BBX: variants seen among roughly 807,000 people sequenced by gnomAD.
BBX encodes the protein HMG box transcription factor BBX.
BBX carries 30 observed loss-of-function variants against 100.2 expected under a neutral mutation model. The ratio of observed to expected loss-of-function variants is 0.30; its 90% CI spans 0.22 to 0.41. The LOEUF (loss-of-function observed/expected upper bound fraction) is 0.41. BBX is among the 10% of genes least tolerant of loss of function. The pLI is 1.00. For missense variants in BBX, 1,023 were observed against 1,129.8 expected, an observed-to-expected ratio of 0.91 and a Z score of 1.35; for synonymous variants, 376 against 388.1, an observed-to-expected ratio of 0.97 and a Z score of 0.37.
intron 13 of BBX, among the ~76,000 whole-genome samples, chr3:107,781,213 T>A (rs2067852975): frequency 6.6e-6 from 1 of 152,050 alleles, no homozygotes; most frequent in Non-Finnish European, 1.5e-5. Context: ...CATATTCGTA[T>A]CTGTATTTCT....
At chr3:107,655,329 CCTG>C (rs2058068079) in intron 3 of BBX, among the ~76,000 whole-genome samples, 1 of 151,950 alleles carries the variant, frequency 6.6e-6, no homozygotes, top group African/African-American at 2.4e-5. Context: ...ATTATTGCTA[CCTG>C]CTATTAGTAT....
intron 2 of BBX, among the ~76,000 whole-genome samples, chr3:107,587,882 T>C (rs77517516): frequency 0.013 from 2,033 of 152,312 alleles, 35 homozygotes; most frequent in East Asian, 0.077. Flanking sequence ...CATTTACTCA[T>C]CACTGAAGTA....
chr3:107,785,634 TA>T (rs35414236), intron 13 of BBX, among the ~76,000 whole-genome samples: 17,545 of 150,326 alleles, frequency 0.12, 1,325 homozygotes, highest in Middle Eastern at 0.18. Flanking sequence ...CAATGCCCTT[TA>T]AAAAAAAAAT....
At chr3:107,706,389 T>C (rs1182272457) in intron 3 of BBX, among the ~76,000 whole-genome samples, 1 of 152,126 alleles carries the variant, frequency 6.6e-6, no homozygotes, top group Non-Finnish European at 1.5e-5. Flanking sequence ...TACATTGAAT[T>C]CAGTACAATG....
intron 3 of BBX, among the ~76,000 whole-genome samples, chr3:107,675,537 T>G (rs1240196127): frequency 6.6e-6 from 1 of 152,160 alleles, no homozygotes; most frequent in African/African-American, 2.4e-5. Flanking sequence ...CCCTCTCTTC[T>G]CATGATCATG....
At chr3:107,778,992 AAC>A in intron 13 of BBX, among the ~76,000 whole-genome samples, 1 of 28,518 alleles carries the variant, frequency 3.5e-5, no homozygotes, top group South Asian at 2.0e-3. Context: ...ATCCTCCAGC[AAC>A]ATATATATAT....
intron 10 of BBX, among the ~76,000 whole-genome samples, chr3:107,769,158 A>G (rs2066647152): frequency 6.7e-6 from 1 of 150,054 alleles, no homozygotes; most frequent in African/African-American, 2.5e-5. Flanking sequence ...ATAGAGCACG[A>G]CTCTATCATT....
chr3:107,530,391 A>G (rs2048074924), intron 2 of BBX, among the ~76,000 whole-genome samples: 1 of 120,726 alleles, frequency 8.3e-6, no homozygotes, highest in East Asian at 2.0e-4. Context: ...TCTCCAAAAC[A>G]AAACAAAACA....
At chr3:107,785,185 A>C (rs2107883710) in intron 13 of BBX, among the ~76,000 whole-genome samples, 1 of 151,602 alleles carries the variant, frequency 6.6e-6, no homozygotes, top group South Asian at 2.1e-4. Flanking sequence ...GGGGGAAAAA[A>C]AAAAAAAAGC....
At chr3:107,777,304 T>C (rs2067402250) in intron 12 of BBX, among the ~76,000 whole-genome samples, 1 of 152,212 alleles carries the variant, frequency 6.6e-6, no homozygotes, top group South Asian at 2.1e-4. Flanking sequence ...TGCCATTTCC[T>C]GTTGACCATT....
chr3:107,625,906 A>G (rs1467830422), intron 2 of BBX, among the ~76,000 whole-genome samples: 1 of 152,140 alleles, frequency 6.6e-6, no homozygotes, highest in African/African-American at 2.4e-5. Flanking sequence ...GACAAATAAT[A>G]ATCGTATTTT....
At chr3:107,568,407 G>C (rs2051090367) in intron 2 of BBX, among the ~76,000 whole-genome samples, 1 of 151,954 alleles carries the variant, frequency 6.6e-6, no homozygotes, top group Admixed American at 6.6e-5. Context: ...TGGGACTACA[G>C]GTGCCCGCCA....
intron 5 of BBX, among the ~76,000 whole-genome samples, chr3:107,722,089 A>G (rs962552898): frequency 1.3e-5 from 2 of 152,056 alleles, no homozygotes; most frequent in African/African-American, 2.4e-5. Flanking sequence ...AATTTGGCCA[A>G]TACTGTCCAG....
chr3:107,714,852 C>G lies in BBX; in HGVS notation c.163-1755C>G, dbSNP rs563687826. Among the ~76,000 whole-genome samples, 318 of 151,964 alleles carry G rather than the reference C, an allele frequency of 2.1e-3. 2 individuals are homozygous for G. Among genetic ancestry groups the G allele is most frequent in the Middle Eastern group, 3.4e-3 (1 of 294 alleles). On this transcript the variant is annotated intron_variant, in intron 4 of 17. Transcript: ENST00000325805. ...CCAGGCTGGAGTGTAGTGGTGTGATCTTGGCTTACTGCAACCTCCGCCTCC... is the reference window on the plus strand; with the variant it reads ...CCAGGCTGGAGTGTAGTGGTGTGATGTTGGCTTACTGCAACCTCCGCCTCC...
rs746022455 is a variant in BBX at position 107,791,280 on chromosome 3, T to A, written c.2334T>A (p.Asp778Glu). The change falls in exon 15 of 18, where the codon GAT (aspartate) becomes GAA (glutamate). Residue 778 changes from aspartate (D) to glutamate (E), a missense_variant. Transcript: ENST00000325805. ...DKWSNKQLFLDAIHPTEAIFS... is the reference protein window; with the variant it reads ...DKWSNKQLFLEAIHPTEAIFS... ...GGTCAAACAAGCAACTCTTCTTGGA[T>A]GCCATTCACCCTACAGAAGGTAAGA... is the stretch of plus-strand genomic sequence containing the variant. The A allele has an allele frequency of 1.5e-5, 24 of 1,613,298 alleles. No homozygotes were observed. In the Admixed American group the frequency reaches 3.7e-4, roughly 25 times the overall value.
At chr3:107,573,335 G>C (rs1274750953) in intron 2 of BBX, among the ~76,000 whole-genome samples, 1 of 152,156 alleles carries the variant, frequency 6.6e-6, no homozygotes, top group Non-Finnish European at 1.5e-5. Context: ...CGATGCGGGT[G>C]GATCACAAGG....
intron 3 of BBX, among the ~76,000 whole-genome samples, chr3:107,699,681 T>C (rs564712030): frequency 6.6e-6 from 1 of 152,020 alleles, no homozygotes; most frequent in South Asian, 2.1e-4. Flanking sequence ...GATTTCAGTT[T>C]ATGAAGAGAA....
intron 2 of BBX, among the ~76,000 whole-genome samples, chr3:107,643,332 G>A (rs961022633): frequency 1.3e-5 from 2 of 152,130 alleles, no homozygotes; most frequent in Admixed American, 6.5e-5. Flanking sequence ...TTAATAGATG[G>A]CTGTCCCACC....
intron 2 of BBX, among the ~76,000 whole-genome samples, chr3:107,594,444 A>G (rs140227764): frequency 6.6e-6 from 1 of 152,276 alleles, no homozygotes; most frequent in African/African-American, 2.4e-5. Context: ...CTAACTGTAG[A>G]CAAGGTTGGT....
Sources: gnomAD v4.1 joint callset for allele counts (sites outside exome capture counted in the v4.1 genomes callset) on GRCh38, gnomAD v4.1.1 for gene constraint, MANE v1.5 for transcripts, NCBI Gene and HGNC (gene_info 2026-07-23, HGNC 2026-07-21) for gene names.